Variants in SIRT5 observed in about 807,000 individuals in gnomAD.
The protein encoded by SIRT5 is sirtuin 5.
A neutral mutation model predicts 40.0 loss-of-function variants in SIRT5; 26 were observed. The observed-to-expected ratio is 0.65, with a 90% CI of 0.48 to 0.90. The LOEUF (loss-of-function observed/expected upper bound fraction) is 0.90, where lower values mean the gene tolerates loss of function less well. SIRT5 is among the 40% of genes least tolerant of loss of function. The pLI is 0.00. For missense variants in SIRT5, 401 were observed against 402.4 expected (o/e 1.00, Z 0.03); for synonymous variants, 146 against 149.1 (o/e 0.98, Z 0.15).
intron 9 of SIRT5, 32 bp downstream of exon 9, chr6:13,600,981 G>A (rs189071742): frequency 6.5e-7 from 1 of 1,530,560 alleles, no homozygotes; most frequent in South Asian, 1.1e-5. Context: ...AGAGGGAGAT[G>A]TGGGAGGCAG....
chr6:13,574,308 T>G (rs1346931034), upstream of SIRT5, among the ~76,000 whole-genome samples: 1 of 151,998 alleles, frequency 6.6e-6, no homozygotes, highest in Non-Finnish European at 1.5e-5. Context: ...CTCCCGCAGG[T>G]GCGTCTCTGC....
chr6:13,601,776 T>A (rs527601757), intron 9 of SIRT5, among the ~76,000 whole-genome samples: 1 of 152,076 alleles, frequency 6.6e-6, no homozygotes, highest in East Asian at 1.9e-4. Flanking sequence ...TTGATAAGCT[T>A]CCTAGGTGAT....
rs756503724 is a variant in SIRT5, at chr6:13,595,508, T to C, written c.507T>C (p.Cys169=). ...TATTTAAAACTCGATGTACCTCTTGTGGAGTTGTGGCTGAGAATTACAAGA... is the reference window on the plus strand; with the variant it reads ...TATTTAAAACTCGATGTACCTCTTGCGGAGTTGTGGCTGAGAATTACAAGA... ...GSLFKTRCTS[C]GVVAENYKSP... The change falls in exon 6 of 10, where the codon TGT becomes TGC. Residue 169 remains cysteine, a synonymous_variant. Transcript: ENST00000606117. The C allele has an allele frequency of 4.3e-6, 7 of 1,614,184 alleles. No homozygotes were observed. In the South Asian group the frequency reaches 7.7e-5, roughly 18 times the overall value.
intron 9 of SIRT5, chr6:13,604,958 C>T: frequency 1.0e-6 from 1 of 990,200 alleles, no homozygotes; most frequent in Admixed American, 6.1e-5. Flanking sequence ...GAAGGAGTAA[C>T]TGATCAATGA....
At chr6:13,589,856 G>A (rs1760598714) in intron 4 of SIRT5, among the ~76,000 whole-genome samples, 1 of 152,334 alleles carries the variant, frequency 6.6e-6, no homozygotes, top group East Asian at 1.9e-4. Context: ...AAAAGGCTCA[G>A]AGTTTGCAGA....
chr6:13,591,817 G>T lies in SIRT5; in HGVS notation c.398G>T (p.Arg133Leu), dbSNP rs772154888. 1 of 1,614,152 alleles carries T rather than the reference G, an allele frequency of 6.2e-7. No individual in the cohort carries two copies. The highest frequency in any genetic ancestry group is 1.7e-5 in the Admixed American group (1 of 60,022). The stretch of plus-strand genomic sequence containing the variant: ...GAGACCCGGCTGGGCAAGCAGGGCC[G>T]GCGAGTCGTGGTCATCACCCAGAAC... The part of the protein sequence containing the change: ...ECETRLGKQG[R>L]RVVVITQNID... Residue 133 changes from arginine to leucine, a missense_variant, in exon 5 of 10, where the codon CGG becomes CTG. Arg to Leu is a moderately radical substitution (Grantham distance 102). Transcript: ENST00000606117.
Position 13,611,974 on chromosome 6 carries a change from C to T in SIRT5, c.*109C>T. On this transcript the variant is annotated 3_prime_UTR_variant, in exon 10 of 10. Coordinates refer to ENST00000606117, the MANE Select transcript of SIRT5 (RefSeq NM_012241.5). ...GAGTACTGAACAATCTAAAAATAGC[C>T]TCTGATTCCCTCGCTGGAATCCAAC... 1.0e-6 allele frequency: 1 copy of T among 978,052 alleles called. No individual in the cohort carries two copies. The highest frequency in any genetic ancestry group is 2.5e-5 in the East Asian group (1 of 40,648). The allele number at this position is 978,052 out of a possible 1,614,324, so 60.6% of individuals were successfully genotyped here.
At chr6:13,584,354 T>A (rs1468117944) in intron 3 of SIRT5, 129 bp downstream of exon 3, 8 of 679,572 alleles carry the variant, frequency 1.2e-5, no homozygotes, top group African/African-American at 1.8e-5. Context: ...CTCTGTCATC[T>A]TCTCTTTTTT....
chr6:13,574,489 C>A (rs1333728978), upstream of SIRT5: 1 of 144,804 alleles, frequency 6.9e-6, no homozygotes, highest in East Asian at 2.1e-4. Context: ...CTCTGCCCTG[C>A]GGTCCCGGGC....
In SIRT5 at chr6:13,613,469, A is replaced by G. The variant is rs1255779866; in HGVS notation, c.*1604A>G. 2 of 152,356 alleles carry G rather than the reference A, an allele frequency of 1.3e-5. No homozygotes were observed. The highest frequency in any genetic ancestry group is 2.9e-5 in the Non-Finnish European group (2 of 68,030). The allele number at this position is 152,356 out of a possible 1,614,324, so 9.4% of individuals were successfully genotyped here. ...AGGTCACATATGGCTCCCTGAAGTG[A>G]TTACATACTTGGACCACATCACCTC... On this transcript the variant is annotated 3_prime_UTR_variant, in exon 10 of 10. Transcript: ENST00000606117.
At chr6:13,587,456 T>G (rs956666081) in intron 3 of SIRT5, among the ~76,000 whole-genome samples, 3 of 152,198 alleles carry the variant, frequency 2.0e-5, no homozygotes, top group Admixed American at 6.5e-5. Context: ...GAGTTCCAAG[T>G]CTGGCTCCTG....
At chr6:13,583,289 CT>C (rs765557886) in intron 2 of SIRT5, among the ~76,000 whole-genome samples, 340 of 100,514 alleles carry the variant, frequency 3.4e-3, no homozygotes, top group African/African-American at 9.0e-3. Flanking sequence ...CTTCTTTGTT[CT>C]TTTTTTTTTT....
chr6:13,588,285 A>C, intron 3 of SIRT5, 46 bp from the exon 4 acceptor site: 1 of 1,588,004 alleles, frequency 6.3e-7, no homozygotes, highest in Non-Finnish European at 8.6e-7. Context: ...TGGGATACAA[A>C]TGTCCAAACT....
intron 6 of SIRT5, among the ~76,000 whole-genome samples, chr6:13,596,755 G>C (rs1761615396): frequency 6.6e-6 from 1 of 152,180 alleles, no homozygotes; most frequent in African/African-American, 2.4e-5. Flanking sequence ...ACCAAATGCT[G>C]GGATTACAGG....
At chr6:13,591,644 C>T (rs1232428044) in intron 4 of SIRT5, 25 bp from the exon 5 acceptor site, 8 of 1,500,342 alleles carry the variant, frequency 5.3e-6, no homozygotes, top group South Asian at 5.2e-5. Context: ...GCCTCCCTCA[C>T]TCCTGCCTCC....
In SIRT5 at chr6:13,597,458, GA is replaced by G. The variant is rs369849985; in HGVS notation, c.617+443del. On this transcript the variant is annotated intron_variant, in intron 7 of 9. Coordinates refer to ENST00000606117, the MANE Select transcript of SIRT5 (RefSeq NM_012241.5). The stretch of plus-strand genomic sequence containing the variant: ...TAAAAAAAAAAAAAAAAAAAAGGAA[GA>G]TTTTTATGCCAATTTTTCAAAACCA... Among the ~76,000 whole-genome samples, 195 of 144,042 alleles carry G rather than the reference GA, an allele frequency of 1.4e-3. 1 individual carries two copies. The highest frequency in any genetic ancestry group is 4.5e-3 in the African/African-American group (175 of 38,798). The allele number at this position is 144,042 out of a possible 152,430, so 94.5% of individuals were successfully genotyped here.
intron 5 of SIRT5, 104 bp downstream of exon 5, chr6:13,591,998 C>CGTCCTG: frequency 9.4e-7 from 1 of 1,067,324 alleles, no homozygotes; most frequent in Non-Finnish European, 1.4e-6. Context: ...GCTGGACATC[C>CGTCCTG]GTCCTGTCCT....
At chr6:13,583,103 G>A (rs1415437113) in intron 2 of SIRT5, among the ~76,000 whole-genome samples, 5 of 152,082 alleles carry the variant, frequency 3.3e-5, no homozygotes, top group Admixed American at 2.0e-4. Context: ...CTACTGGGGA[G>A]GATGGGGTGG....
chr6:13,585,400 A>AC (rs966794569), intron 3 of SIRT5, among the ~76,000 whole-genome samples: 6 of 117,606 alleles, frequency 5.1e-5, no homozygotes, highest in East Asian at 2.2e-4. Context: ...CAAGCCCACC[A>AC]CCCCCCGACA....
Sources: gnomAD v4.1 joint callset for allele counts (sites outside exome capture counted in the v4.1 genomes callset) on GRCh38, gnomAD v4.1.1 for gene constraint, MANE v1.5 for transcripts, NCBI Gene and HGNC (gene_info 2026-07-23, HGNC 2026-07-21) for gene names.